TRIM31: variants seen among roughly 807,000 people sequenced by gnomAD.
The protein encoded by TRIM31 is E3 ubiquitin-protein ligase TRIM31.
In TRIM31, 31 loss-of-function variants were observed where a neutral mutation model predicts 40.6. The observed-to-expected ratio is 0.76, with a 90% CI of 0.57 to 1.03. The LOEUF is 1.03. Ranked by LOEUF, TRIM31 falls within the 50% of genes least tolerant of loss-of-function variation. The pLI, the probability that TRIM31 is intolerant of heterozygous loss-of-function variation, is 0.00. For synonymous variants in TRIM31, 164 were observed against 193.9 expected (o/e 0.85, Z 1.28); for missense variants, 455 against 497.5 (o/e 0.91, Z 0.81).
rs756479429 is a variant in TRIM31 at position 30,110,525 on chromosome 6, G to C, written c.667C>G (p.Pro223Ala). The change falls in exon 4 of 9, where the codon CCA becomes GCA. Residue 223 changes from proline to alanine, a missense_variant. Pro to Ala is a conservative substitution (Grantham distance 27). Coordinates refer to ENST00000376734, the MANE Select transcript of TRIM31 (RefSeq NM_007028.5). ...AGKHYVASTE[P>A]QLNDLKKLVD... ...AGCTTCTTGAGATCGTTCAACTGTG[G>C]CTCAGTGGAGGCAACATAGTGTTTC... 8 of 1,614,128 alleles carry C rather than the reference G, an allele frequency of 5.0e-6. No homozygotes were observed. The highest frequency in any genetic ancestry group is 1.1e-5 in the South Asian group (1 of 91,082).
intron 2 of TRIM31, 44 bp from the exon 3 acceptor site, chr6:30,111,787 C>T: frequency 6.3e-7 from 1 of 1,593,286 alleles, no homozygotes; most frequent in Non-Finnish European, 8.6e-7. Flanking sequence ...CTGGAGATTT[C>T]TGGCCTCATA....
intron 3 of TRIM31, 21 bp downstream of exon 3, chr6:30,111,627 G>T (rs751680586): frequency 6.2e-7 from 1 of 1,608,880 alleles, no homozygotes; most frequent in Non-Finnish European, 8.5e-7. Context: ...TCCAGAGATC[G>T]TGGGATGGAG....
chr6:30,112,762 A>T lies in TRIM31; in HGVS notation c.44T>A (p.Ile15Asn), dbSNP rs1163021320. 6.2e-7 allele frequency: 1 copy of T among 1,612,694 alleles called. No individual in the cohort carries two copies. The highest frequency in any genetic ancestry group is 1.3e-5 in the African/African-American group (1 of 75,018). ...CAGAATGTCCAGGCAGATGGGGCAG[A>T]TCACTTCCTCTTGCAGTTTGTTCAC... ...QFVNKLQEEVICPICLDILQK... is the reference protein window; with the variant it reads ...QFVNKLQEEVNCPICLDILQK... The change falls in exon 2 of 9, where the codon ATC (isoleucine) becomes AAC (asparagine). Residue 15 changes from isoleucine (I) to asparagine (N), a missense_variant. Ile to Asn is a moderately radical substitution (Grantham distance 149). Transcript: ENST00000376734.
chr6:30,103,484 TATGCTCCG>T lies in TRIM31; in HGVS notation c.*44_*51del. 1 of 1,604,088 alleles carries T rather than the reference TATGCTCCG, an allele frequency of 6.2e-7. No homozygotes were observed. Among genetic ancestry groups the T allele is most frequent in the East Asian group, 2.2e-5 (1 of 44,702 alleles). On this transcript the variant is annotated 3_prime_UTR_variant, in exon 9 of 9. Transcript: ENST00000376734. ...CTCAGCCACTCACTCAGCGCCACTCTATGCTCCGAAGTCCGTGTAGCACCACCGCTCCC... is the reference window on the plus strand; with the variant it reads ...CTCAGCCACTCACTCAGCGCCACTCTAAGTCCGTGTAGCACCACCGCTCCC...
intron 3 of TRIM31, 195 bp downstream of exon 3, chr6:30,111,453 A>G: frequency 1.7e-6 from 1 of 578,616 alleles, no homozygotes; most frequent in South Asian, 2.3e-5. Context: ...GCCGGTGGAG[A>G]CTGAGCAGTC....
At chr6:30,106,952 T>C (rs138209352) in intron 6 of TRIM31, among the ~76,000 whole-genome samples, 1,751 of 151,988 alleles carry the variant, frequency 0.012, 26 homozygotes, top group African/African-American at 0.035. Flanking sequence ...TACAAAAAAC[T>C]AGCTGGGCAT....
intron 4 of TRIM31, 67 bp from the exon 5 acceptor site, chr6:30,109,115 A>G (rs1355620757): frequency 1.9e-6 from 3 of 1,549,668 alleles, no homozygotes; most frequent in African/African-American, 2.7e-5. Flanking sequence ...AGGAGGAGAT[A>G]CAGAGCCTGC....
chr6:30,108,878 TC>T, intron 5 of TRIM31, 147 bp downstream of exon 5: 1 of 852,462 alleles, frequency 1.2e-6, no homozygotes, highest in Non-Finnish European at 2.0e-6. Context: ...GCATAGGCAT[TC>T]CCCGGCTGCA....
rs1562051569 is a variant in TRIM31, at chr6:30,112,565, G to C, written c.241C>G (p.Leu81Val). 2 of 1,613,138 alleles carry C rather than the reference G, an allele frequency of 1.2e-6. No individual in the cohort carries two copies. Among genetic ancestry groups the C allele is most frequent in the Non-Finnish European group, 8.5e-7 (1 of 1,180,046 alleles). ...TTGGACTGCACCTCAGAGGCTTGTA[G>C]AGCTTGGATTTTCTCCACCAGATTC... ...LRNLVEKIQALQASEVQSKRK... is the reference protein window; with the variant it reads ...LRNLVEKIQAVQASEVQSKRK... The change falls in exon 2 of 9, where the codon CTA (leucine) becomes GTA (valine). Residue 81 changes from leucine (L) to valine (V), a missense_variant. Physicochemically the swap from Leu to Val is conservative, Grantham distance 32. Coordinates refer to ENST00000376734, the MANE Select transcript of TRIM31 (RefSeq NM_007028.5).
In TRIM31 at chr6:30,108,106, C is replaced by T. The variant is rs754446174; in HGVS notation, c.830G>A (p.Ser277Asn). 21 of 1,611,370 alleles carry T rather than the reference C, an allele frequency of 1.3e-5. No individual in the cohort carries two copies. The highest frequency in any genetic ancestry group is 1.5e-5 in the Non-Finnish European group (18 of 1,178,788). Residue 277 changes from serine to asparagine, a missense_variant, in exon 6 of 9, where the codon AGT becomes AAT. Physicochemically the swap from Ser to Asn is conservative, Grantham distance 46. Transcript: ENST00000376734. ...PVPLELEKKLSEAKSRHDSIT... is the reference protein window; with the variant it reads ...PVPLELEKKLNEAKSRHDSIT... ...GGAGTCATGTCTTGATTTTGCTTCA[C>T]TGAGTTTTTTCTCCAGTTCCAGAGG...
At position 30,113,049 on chromosome 6, in the gene TRIM31, G is replaced by A. The variant is rs1769528333; in HGVS notation, c.-84+15C>T. Reference sequence around the variant, plus strand: ...AAAATATTATAAAGAGAGGAAAACAGATGGGCAGTCCTACCTTGCTACCTC... The same window carrying A: ...AAAATATTATAAAGAGAGGAAAACAAATGGGCAGTCCTACCTTGCTACCTC... On this transcript the variant is annotated intron_variant, in intron 1 of 8. Coordinates refer to ENST00000376734, the MANE Select transcript of TRIM31 (RefSeq NM_007028.5). The A allele has an allele frequency of 2.2e-5, 11 of 493,374 alleles. No individual in the cohort carries two copies. The South Asian group carries it at 4.7e-4, about 21-fold the overall frequency. The allele number at this position is 493,374 out of a possible 1,614,324, so 30.6% of individuals were successfully genotyped here.
chr6:30,111,688 T>C lies in TRIM31; in HGVS notation c.473A>G (p.Gln158Arg), dbSNP rs1408187593. ...VLQQKEKETV[Q>R]VKAQGVHRVD... is the part of the protein sequence containing the mutation. ...CCTGTGTACACCTTGTGCCTTCACT[T>C]GTACTGTCTCCTTCTCCTTTTGCTG... The change falls in exon 3 of 9, where the codon CAA (glutamine) becomes CGA (arginine). Residue 158 changes from glutamine to arginine, a missense_variant. Physicochemically the swap from Gln to Arg is conservative, Grantham distance 43. Coordinates refer to ENST00000376734, the MANE Select transcript of TRIM31 (RefSeq NM_007028.5). 1 of 1,614,262 alleles carries C rather than the reference T, an allele frequency of 6.2e-7. No individual in the cohort carries two copies. The highest frequency in any genetic ancestry group is 8.5e-7 in the Non-Finnish European group (1 of 1,180,046).
intron 2 of TRIM31, 171 bp downstream of exon 2, chr6:30,112,218 T>C: frequency 4.5e-6 from 3 of 666,756 alleles, no homozygotes; most frequent in Middle Eastern, 4.2e-4. Flanking sequence ...GAGTCAGCAG[T>C]TCCCCAGACT....
intron 1 of TRIM31, 38 bp from the exon 2 acceptor site, chr6:30,112,926 AGAGATTCTGC>A: frequency 1.1e-6 from 1 of 931,754 alleles, no homozygotes. Context: ...AGTGGAGGTC[AGAGATTCTGC>A]CAATTAGTTA....
chr6:30,110,705 G>GA, intron 3 of TRIM31, 27 bp from the exon 4 acceptor site: 1 of 1,607,562 alleles, frequency 6.2e-7, no homozygotes, highest in South Asian at 1.1e-5. Context: ...GGCAGAGGGT[G>GA]AGAGGATGGC....
At chr6:30,108,432 G>T (rs918174513) in intron 5 of TRIM31, among the ~76,000 whole-genome samples, 1 of 151,808 alleles carries the variant, frequency 6.6e-6, no homozygotes, top group African/African-American at 2.4e-5. Context: ...GGTGGCAAGC[G>T]CCTGTAGTCT....
intron 5 of TRIM31, 97 bp from the exon 6 acceptor site, chr6:30,108,265 A>C (rs1768925136): frequency 1.2e-6 from 1 of 841,370 alleles, no homozygotes; most frequent in Non-Finnish European, 2.0e-6. Flanking sequence ...GGGGATGAAG[A>C]CCTGGGGGTA....
At chr6:30,103,842 A>G (rs1465305588) in intron 8 of TRIM31, 53 bp from the exon 9 acceptor site, 2 of 1,608,152 alleles carry the variant, frequency 1.2e-6, no homozygotes, top group Non-Finnish European at 1.7e-6. Flanking sequence ...CCTCGGCAGC[A>G]ATCCTCCATT....
At chr6:30,103,994 A>T in intron 8 of TRIM31, 108 bp downstream of exon 8, 1 of 1,415,452 alleles carries the variant, frequency 7.1e-7, no homozygotes. Context: ...GGAATAAATG[A>T]ATTCATTCAT....
Sources: gnomAD v4.1 joint callset for allele counts (sites outside exome capture counted in the v4.1 genomes callset) on GRCh38, gnomAD v4.1.1 for gene constraint, MANE v1.5 for transcripts, NCBI Gene and HGNC (gene_info 2026-07-23, HGNC 2026-07-21) for gene names.